RARB: variants seen among roughly 807,000 people sequenced by gnomAD.
The protein encoded by RARB is HBV-activated protein.
RARB carries 17 observed loss-of-function variants against 51.9 expected under a neutral mutation model. That is an observed-to-expected ratio of 0.33 (90% CI 0.22 to 0.49). The LOEUF is 0.49. Among genes scored for constraint, RARB ranks in the 20% least tolerant of loss-of-function variants. The probability of loss-of-function intolerance (pLI) is 0.99; values close to 1 mark genes in which losing one functional copy is unlikely to be tolerated. For missense variants in RARB, 369 were observed against 550.8 expected (o/e 0.67, Z 3.30); for synonymous variants, 215 against 195.4 (o/e 1.10, Z -0.84).
At position 24,931,507 on chromosome 3, in the gene RARB, C is replaced by T. The variant is rs540650757; in HGVS notation, c.-380+72755C>T. Among the ~76,000 whole-genome samples, 4 of 152,080 alleles carry T rather than the reference C, an allele frequency of 2.6e-5. No homozygotes were observed. In the South Asian group the frequency reaches 8.3e-4, roughly 32 times the overall value. On this transcript the variant is annotated intron_variant, in intron 2 of 11. Transcript: ENST00000383772. ...TTGCCCAACCCCATTTTTATCTTGG[C>T]CAAGTTCTGTAGATTCATCAAGACC...
chr3:24,988,144 C>G (rs927450386), intron 2 of RARB, among the ~76,000 whole-genome samples: 1 of 152,132 alleles, frequency 6.6e-6, no homozygotes, highest in African/African-American at 2.4e-5. Context: ...CTTGGGAGCA[C>G]TGATGTCATG....
intron 1 of RARB, among the ~76,000 whole-genome samples, chr3:25,452,282 A>C (rs956551175): frequency 4.6e-5 from 7 of 152,242 alleles, no homozygotes; most frequent in African/African-American, 1.7e-4. Context: ...TGTGGTGAGA[A>C]CACATATTAT....
At chr3:25,252,728 A>G (rs143558716) in intron 5 of RARB, among the ~76,000 whole-genome samples, 3 of 152,202 alleles carry the variant, frequency 2.0e-5, no homozygotes, top group African/African-American at 7.2e-5. Context: ...CATATTTATT[A>G]CTTCTAATAA....
chr3:25,280,061 TA>T (rs1367582373), intron 5 of RARB, among the ~76,000 whole-genome samples: 1 of 152,162 alleles, frequency 6.6e-6, no homozygotes, highest in Non-Finnish European at 1.5e-5. Flanking sequence ...TCATTTAATA[TA>T]AATGTTTTAT....
chr3:25,546,821 G>A (rs17016719), intron 3 of RARB, among the ~76,000 whole-genome samples: 42 of 151,932 alleles, frequency 2.8e-4, no homozygotes, highest in African/African-American at 8.4e-4. Context: ...GTTTTTTCTC[G>A]GCATACACAC....
At chr3:25,478,725 G>A (rs896716229) in intron 2 of RARB, among the ~76,000 whole-genome samples, 10 of 152,236 alleles carry the variant, frequency 6.6e-5, no homozygotes, top group African/African-American at 2.4e-4. Flanking sequence ...ACCTGGCTCT[G>A]CCAGCTTTAT....
chr3:25,306,541 G>C (rs1704155946), intron 5 of RARB, among the ~76,000 whole-genome samples: 1 of 151,708 alleles, frequency 6.6e-6, no homozygotes, highest in Admixed American at 6.6e-5. Flanking sequence ...AAGAAGAAAG[G>C]AGGAAAGAAA....
intron 5 of RARB, among the ~76,000 whole-genome samples, chr3:25,191,285 A>T (rs1357130297): frequency 1.3e-5 from 2 of 152,118 alleles, no homozygotes; most frequent in Non-Finnish European, 2.9e-5. Context: ...TCCCTTTTGA[A>T]TGAAAGCTCC....
intron 5 of RARB, among the ~76,000 whole-genome samples, chr3:25,584,949 A>AGCCCCCCCC (rs202113760): frequency 1.4e-5 from 2 of 141,332 alleles, no homozygotes; most frequent in Admixed American, 7.1e-5. Context: ...TCCTCCCCTC[A>AGCCCCCCCC]CCCTCCGCCC....
intron 2 of RARB, among the ~76,000 whole-genome samples, chr3:25,484,008 C>T (rs961672209): frequency 6.6e-6 from 1 of 152,134 alleles, no homozygotes; most frequent in Non-Finnish European, 1.5e-5. Flanking sequence ...ATTTACAGAG[C>T]TATAAAGTTA....
At chr3:25,212,479 A>C (rs144928953) in intron 5 of RARB, among the ~76,000 whole-genome samples, 1 of 152,178 alleles carries the variant, frequency 6.6e-6, no homozygotes, top group Non-Finnish European at 1.5e-5. Context: ...TTAGCCAAGC[A>C]TGGTGGCACA....
At chr3:24,847,832 T>C (rs1393226420) in intron 1 of RARB, among the ~76,000 whole-genome samples, 1 of 152,202 alleles carries the variant, frequency 6.6e-6, no homozygotes, top group African/African-American at 2.4e-5. Context: ...CCAAGTGATA[T>C]TGCATTTCTT....
At chr3:25,569,666 C>T (rs1440218004) in intron 3 of RARB, 92 bp from the exon 4 acceptor site, 6 of 1,408,166 alleles carry the variant, frequency 4.3e-6, no homozygotes, top group Non-Finnish European at 4.8e-6. Flanking sequence ...ATCAAATGAG[C>T]TTAAGGCAGC....
At chr3:24,958,700 G>C (rs1341859403) in intron 2 of RARB, among the ~76,000 whole-genome samples, 1 of 152,156 alleles carries the variant, frequency 6.6e-6, no homozygotes, top group Middle Eastern at 3.2e-3. Flanking sequence ...TAGAGTCCTG[G>C]AGTTTGTAAA....
intron 5 of RARB, among the ~76,000 whole-genome samples, chr3:25,380,593 A>G (rs1007821420): frequency 1.4e-5 from 2 of 147,562 alleles, no homozygotes; most frequent in South Asian, 2.3e-4. Context: ...TTGCTCAAGA[A>G]AAAAAATAAA....
intron 2 of RARB, among the ~76,000 whole-genome samples, chr3:25,466,621 AAC>A (rs1695444941): frequency 6.6e-6 from 1 of 152,190 alleles, no homozygotes; most frequent in South Asian, 2.1e-4. Flanking sequence ...CTATCAAAAT[AAC>A]ACTGCCTCTT....
At position 24,953,010 on chromosome 3, in the gene RARB, A is replaced by G. The variant is rs1370316071; in HGVS notation, c.-380+94258A>G. On this transcript the variant is annotated intron_variant, in intron 2 of 11. Coordinates refer to the RARB transcript ENST00000383772. ...ATAGTATAGCCTATTGAAACTACTC[A>G]TTGTGGCCAAAAAACCCTTTGCTTG... 1.3e-5 allele frequency among the ~76,000 whole-genome samples: 2 copies of G among 152,122 alleles called. 1 individual carries two copies. Among genetic ancestry groups the G allele is most frequent in the East Asian group, 3.9e-4 (2 of 5,172 alleles).
chr3:25,282,264 G>A (rs1703542246), intron 5 of RARB, among the ~76,000 whole-genome samples: 1 of 152,090 alleles, frequency 6.6e-6, no homozygotes, highest in South Asian at 2.1e-4. Flanking sequence ...AAATTCCCCA[G>A]TCACACTCCC....
intron 1 of RARB, among the ~76,000 whole-genome samples, chr3:24,853,307 A>G (rs1023529334): frequency 2.0e-5 from 3 of 152,000 alleles, no homozygotes; most frequent in Non-Finnish European, 4.4e-5. Context: ...ACAGAGTGAG[A>G]CTCTATCTTA....
Sources: allele counts gnomAD v4.1 joint callset (sites outside exome capture counted in the v4.1 genomes callset), GRCh38; gene constraint gnomAD v4.1.1; transcripts MANE v1.5; gene names NCBI Gene and HGNC (gene_info 2026-07-23, HGNC 2026-07-21).